METTL4: variants seen among roughly 807,000 people sequenced by gnomAD.
METTL4 encodes the protein methyltransferase 4, N6-adenosine, also known as N(6)-adenine-specific methyltransferase METTL4.
A neutral mutation model predicts 54.0 loss-of-function variants in METTL4; 40 were observed. The observed-to-expected ratio is 0.74, with a 90% confidence interval of 0.58 to 0.96. METTL4 has a LOEUF of 0.96. Among genes scored for constraint, METTL4 ranks in the 50% least tolerant of loss-of-function variants. The pLI is 0.00. For missense variants in METTL4, 525 were observed against 549.0 expected (o/e 0.96, Z 0.44); for synonymous variants, 169 against 183.8 (o/e 0.92, Z 0.65).
intron 4 of METTL4, chr18:2,553,010 G>A: frequency 9.7e-6 from 4 of 413,956 alleles, no homozygotes; most frequent in South Asian, 3.5e-5. Context: ...ATCTGCAGAT[G>A]ACTACAGCTC....
rs561521424 is a variant in METTL4 at position 2,555,130 on chromosome 18, C to T, written c.460-92G>A. On this transcript the variant is annotated intron_variant, in intron 3 of 8. Transcript: ENST00000574538. ...AATATCTGAGTTTATAAACTGAAAT[C>T]AATATCCTTAACACTTACAGTAAAA... 3.1e-5 allele frequency: 39 copies of T among 1,259,510 alleles called. No individual in the cohort carries two copies. In the East Asian group the frequency reaches 7.9e-4, roughly 25 times the overall value. The allele number at this position is 1,259,510 out of a possible 1,614,324, so 78.0% of individuals were successfully genotyped here.
chr18:2,570,603 T>G (rs913310485), intron 1 of METTL4, among the ~76,000 whole-genome samples: 2 of 152,198 alleles, frequency 1.3e-5, no homozygotes, highest in African/African-American at 4.8e-5. Context: ...TGCCTAATTT[T>G]CATATAATTT....
chr18:2,539,565 T>A (rs549655214), intron 8 of METTL4, among the ~76,000 whole-genome samples: 1 of 150,536 alleles, frequency 6.6e-6, no homozygotes, highest in Non-Finnish European at 1.5e-5. Context: ...CACTGCAACC[T>A]CCACCTCCCG....
chr18:2,565,907 C>T (rs1440648912), intron 2 of METTL4, among the ~76,000 whole-genome samples: 2 of 151,782 alleles, frequency 1.3e-5, no homozygotes, highest in Non-Finnish European at 2.9e-5. Context: ...ATTAGCCAGG[C>T]GTGGTGGCAA....
Position 2,567,333 on chromosome 18 carries a change from G to T in METTL4, c.-117C>A. ...AACATACACTTCATACACACAGATA[G>T]ATTTGATATACAAGTACAAAAACCT... On this transcript the variant is annotated 5_prime_UTR_variant, in exon 2 of 9. Transcript: ENST00000574538. 2.3e-6 allele frequency: 2 copies of T among 864,810 alleles called. No individual in the cohort carries two copies. The highest frequency in any genetic ancestry group is 1.7e-6 in the Non-Finnish European group (1 of 582,744). 53.6% of individuals were successfully genotyped at this position (864,810 alleles called of 1,614,324 possible). A position where few individuals can be genotyped will look rare whatever the true frequency, so the allele number is the denominator to read the frequency against.
intron 3 of METTL4, chr18:2,555,590 C>T (rs934159752): frequency 6.6e-6 from 1 of 152,108 alleles, no homozygotes; most frequent in Non-Finnish European, 1.5e-5. Flanking sequence ...AATAAACATA[C>T]CTTTTCTTTC....
intron 6 of METTL4, among the ~76,000 whole-genome samples, chr18:2,546,063 A>T (rs905358871): frequency 2.6e-5 from 4 of 152,154 alleles, no homozygotes; most frequent in African/African-American, 9.6e-5. Context: ...ACAGGGTAGT[A>T]TACTCCTATC....
chr18:2,540,271 C>G, intron 8 of METTL4: 1 of 984,244 alleles, frequency 1.0e-6, no homozygotes, highest in Non-Finnish European at 1.2e-6. Flanking sequence ...GCTATGCTAA[C>G]CACCTAATAG....
chr18:2,560,827 G>A (rs918745386), intron 3 of METTL4, among the ~76,000 whole-genome samples: 13 of 152,100 alleles, frequency 8.5e-5, no homozygotes, highest in Non-Finnish European at 1.2e-4. Flanking sequence ...TGCAGTGAGC[G>A]GAGATGGGCC....
At chr18:2,565,721 A>T (rs766922003) in intron 2 of METTL4, among the ~76,000 whole-genome samples, 20 of 152,172 alleles carry the variant, frequency 1.3e-4, no homozygotes, top group Non-Finnish European at 8.8e-5. Context: ...AATGGCACAT[A>T]GAAAGAGCTC....
chr18:2,540,194 A>C lies in METTL4; in HGVS notation c.1274-1049T>G, dbSNP rs572050636. The C allele has an allele frequency of 1.5e-4, 144 of 985,384 alleles. No individual in the cohort carries two copies. In the African/African-American group the frequency reaches 2.2e-3, roughly 15 times the overall value. 61.0% of individuals were successfully genotyped at this position (985,384 alleles called of 1,614,324 possible). Reference sequence around the variant, plus strand: ...AGAAGAACACAGAAACTTTTTGAAAAGCACATGTTCACTCAATTGGATGAC... The same window carrying C: ...AGAAGAACACAGAAACTTTTTGAAACGCACATGTTCACTCAATTGGATGAC... On this transcript the variant is annotated intron_variant, in intron 8 of 8. Coordinates refer to ENST00000574538, the MANE Select transcript of METTL4 (RefSeq NM_022840.5).
chr18:2,565,467 A>C (rs986609561), intron 2 of METTL4, among the ~76,000 whole-genome samples: 1 of 152,202 alleles, frequency 6.6e-6, no homozygotes, highest in Non-Finnish European at 1.5e-5. Context: ...AAATGTATCT[A>C]TATAACAAAC....
chr18:2,555,691 T>C (rs1185365618), intron 3 of METTL4, among the ~76,000 whole-genome samples: 1 of 152,084 alleles, frequency 6.6e-6, no homozygotes, highest in African/African-American at 2.4e-5. Flanking sequence ...AAAATAATTA[T>C]AAAAAATAAA....
At chr18:2,550,015 AAAAT>A (rs1222329951) in intron 5 of METTL4, among the ~76,000 whole-genome samples, 14 of 151,804 alleles carry the variant, frequency 9.2e-5, no homozygotes, top group African/African-American at 2.9e-4. Context: ...AAATAAAATA[AAAAT>A]AAATAAATAA....
rs752910712 is a variant in METTL4 at position 2,563,847 on chromosome 18, A to G, written c.409T>C (p.Cys137Arg). The G allele has an allele frequency of 3.1e-6, 5 of 1,609,394 alleles. No individual in the cohort carries two copies. ...ISIIGKKRKR[C>R]VVFNQGELDA... ...AATTCACCTTGATTGAAAACAACACATCTTTTACGCTTCTAAAGGGTAGAT... is the reference window on the plus strand; with the variant it reads ...AATTCACCTTGATTGAAAACAACACGTCTTTTACGCTTCTAAAGGGTAGAT... The change falls in exon 3 of 9, where the codon TGT (cysteine) becomes CGT (arginine). Residue 137 changes from cysteine (C) to arginine (R), a missense_variant. Coordinates refer to ENST00000574538, the MANE Select transcript of METTL4 (RefSeq NM_022840.5).
At chr18:2,554,353 C>A in intron 4 of METTL4, 1 of 203,054 alleles carries the variant, frequency 4.9e-6, no homozygotes, top group Admixed American at 7.6e-5. Flanking sequence ...AGTGTTTCTA[C>A]TTTGCTATGA....
chr18:2,542,763 A>C (rs1467314990), intron 8 of METTL4, among the ~76,000 whole-genome samples: 2 of 152,174 alleles, frequency 1.3e-5, no homozygotes, highest in Non-Finnish European at 2.9e-5. Context: ...TTCACTGAGA[A>C]TCCTTCTTAG....
At chr18:2,569,412 G>A (rs2143611197) in intron 1 of METTL4, among the ~76,000 whole-genome samples, 1 of 152,264 alleles carries the variant, frequency 6.6e-6, no homozygotes, top group South Asian at 2.1e-4. Flanking sequence ...TAATTCAACT[G>A]TGGAAAGACC....
intron 8 of METTL4, among the ~76,000 whole-genome samples, chr18:2,543,656 A>G (rs561080529): frequency 1.3e-5 from 2 of 152,340 alleles, no homozygotes; most frequent in South Asian, 4.1e-4. Context: ...TCCCTGCTGC[A>G]TAGTTTCATT....
Sources: gnomAD v4.1 joint callset for allele counts (sites outside exome capture counted in the v4.1 genomes callset) on GRCh38, gnomAD v4.1.1 for gene constraint, MANE v1.5 for transcripts, NCBI Gene and HGNC (gene_info 2026-07-23, HGNC 2026-07-21) for gene names.